The following PRSS38 variants were observed in gnomAD, a reference collection of about 807,000 sequenced individuals.
The protein encoded by PRSS38 is marapsin 2.
In PRSS38, 22 loss-of-function variants were observed where a neutral mutation model predicts 26.8. The observed-to-expected ratio is 0.82, with a 90% CI of 0.59 to 1.17. The LOEUF (loss-of-function observed/expected upper bound fraction) is 1.17, where lower values mean the gene tolerates loss of function less well. PRSS38 is among the 50% of genes most tolerant of loss of function. The pLI, the probability that PRSS38 is intolerant of heterozygous loss-of-function variation, is 0.00. For synonymous variants in PRSS38, 175 were observed against 172.1 expected (o/e 1.02, Z -0.13); for missense variants, 427 against 422.7 (o/e 1.01, Z -0.09).
chr1:227,845,668 C>G, intron 4 of PRSS38, 56 bp downstream of exon 4: 1 of 1,551,116 alleles, frequency 6.4e-7, no homozygotes, highest in East Asian at 2.3e-5. Flanking sequence ...GCCTGTGGAC[C>G]CCACAGGACC....
chr1:227,829,963 A>T (rs1665129420), intron 3 of PRSS38, among the ~76,000 whole-genome samples: 2 of 152,160 alleles, frequency 1.3e-5, no homozygotes, highest in Non-Finnish European at 2.9e-5. Flanking sequence ...CTTTTAACAG[A>T]TTGAGGAAGA....
intron 3 of PRSS38, among the ~76,000 whole-genome samples, chr1:227,827,919 T>C (rs1419032318): frequency 6.6e-6 from 1 of 152,232 alleles, no homozygotes; most frequent in Admixed American, 6.5e-5. Flanking sequence ...TGAAAGAACT[T>C]CTTGATTTCT....
In PRSS38 at chr1:227,846,394, G is replaced by A. The variant is rs185496995; in HGVS notation, c.*186G>A. 6.1e-4 allele frequency: 447 copies of A among 734,930 alleles called. No individual in the cohort carries two copies. In the African/African-American group the frequency reaches 7.1e-3, roughly 12 times the overall value. 45.5% of individuals were successfully genotyped at this position (734,930 alleles called of 1,614,324 possible). A position where few individuals can be genotyped will look rare whatever the true frequency, so the allele number is the denominator to read the frequency against. On this transcript the variant is annotated 3_prime_UTR_variant, in exon 5 of 5. Coordinates refer to ENST00000366757, the Ensembl canonical transcript of PRSS38. ...CAAAAGAAAAAAGGGAAGGGGGAGA[G>A]GGGCTGGTCAGGGAGAACCCAGCTT...
chr1:227,837,657 T>A (rs1319767472), intron 3 of PRSS38, among the ~76,000 whole-genome samples: 1 of 152,190 alleles, frequency 6.6e-6, no homozygotes, highest in Non-Finnish European at 1.5e-5. Flanking sequence ...TTCAACTTTA[T>A]TGGAAACTGC....
At chr1:227,817,315 A>T (rs755366204) in exon 3 of PRSS38, 14 of 1,614,050 alleles carry the variant, frequency 8.7e-6, no homozygotes, top group Non-Finnish European at 9.3e-6. Flanking sequence ...CCTGCACCCC[A>T]CATATGAGAT....
chr1:227,828,065 T>G (rs919507473), intron 3 of PRSS38, among the ~76,000 whole-genome samples: 3 of 152,236 alleles, frequency 2.0e-5, no homozygotes, highest in Non-Finnish European at 4.4e-5. Flanking sequence ...CTGTTTATTA[T>G]GTTTTCAGTT....
intron 3 of PRSS38, among the ~76,000 whole-genome samples, chr1:227,836,744 C>A (rs1382787277): frequency 6.6e-6 from 1 of 152,120 alleles, no homozygotes; most frequent in African/African-American, 2.4e-5. Context: ...TGGAAACTCT[C>A]ATCTTTCATG....
At position 227,817,277 on chromosome 1, in the gene PRSS38, C is replaced by G. The variant is rs763684369; in HGVS notation, c.380C>G (p.Thr127Ser). 1.1e-5 allele frequency: 18 copies of G among 1,613,992 alleles called. No homozygotes were observed. The South Asian group carries it at 2.0e-4, about 18-fold the overall frequency. ...AACCTCAGGGTGGCCGGCAACCACACCCAGTGGTATGAGGTGAACAGGGTG... is the reference window on the plus strand; with the variant it reads ...AACCTCAGGGTGGCCGGCAACCACAGCCAGTGGTATGAGGTGAACAGGGTG... Residue 127 changes from threonine (T) to serine (S), a missense_variant, in exon 3 of 5, where the codon ACC becomes AGC. By Grantham distance (58) the Thr-to-Ser change is moderately conservative. Transcript: ENST00000366757.
rs1035237286 is a variant in PRSS38 at position 227,845,753 on chromosome 1, G to A, written c.726+141G>A. ...GCTGAGCAGGGCGATGTATGACAATGTGTGAACGCCGCATGCCTGCAGCAG... is the reference window on the plus strand; with the variant it reads ...GCTGAGCAGGGCGATGTATGACAATATGTGAACGCCGCATGCCTGCAGCAG... On this transcript the variant is annotated intron_variant, in intron 4 of 4. Coordinates refer to ENST00000366757, the Ensembl canonical transcript of PRSS38. 2.5e-6 allele frequency: 3 copies of A among 1,211,282 alleles called. No individual in the cohort carries two copies. The African/African-American group carries it at 4.5e-5, about 18-fold the overall frequency. The allele number at this position is 1,211,282 out of a possible 1,614,324, so 75.0% of individuals were successfully genotyped here. A position where few individuals can be genotyped will look rare whatever the true frequency, so the allele number is the denominator to read the frequency against.
chr1:227,821,776 T>C (rs890948666), intron 3 of PRSS38, among the ~76,000 whole-genome samples: 1 of 152,180 alleles, frequency 6.6e-6, no homozygotes, highest in Non-Finnish European at 1.5e-5. Flanking sequence ...TTGCCTTTAG[T>C]TTTTGACAGT....
chr1:227,830,852 C>A (rs2102679612), intron 3 of PRSS38, among the ~76,000 whole-genome samples: 1 of 152,082 alleles, frequency 6.6e-6, no homozygotes, highest in Admixed American at 6.6e-5. Flanking sequence ...ATAGTCTCAT[C>A]ATTTATTTTA....
chr1:227,818,435 T>C (rs1401945520), intron 3 of PRSS38, among the ~76,000 whole-genome samples: 1 of 152,054 alleles, frequency 6.6e-6, no homozygotes, highest in Non-Finnish European at 1.5e-5. Flanking sequence ...TCCCAGCACT[T>C]TGGGAGGCTG....
chr1:227,835,624 G>T (rs937514873), intron 3 of PRSS38, among the ~76,000 whole-genome samples: 1 of 152,156 alleles, frequency 6.6e-6, no homozygotes, highest in South Asian at 2.1e-4. Context: ...GGATGGAAAA[G>T]TATTTCAACC....
chr1:227,818,710 G>A (rs1162742169), intron 3 of PRSS38, among the ~76,000 whole-genome samples: 1 of 139,696 alleles, frequency 7.2e-6, no homozygotes, highest in Non-Finnish European at 1.5e-5. Flanking sequence ...CGTATTTAAT[G>A]TGAGATGGGT....
Position 227,846,026 on chromosome 1 carries a change from C to T in PRSS38, c.799C>T (p.Arg267Ter), listed in dbSNP as rs1412340269. ...GCAGATTGGAATTGTGAGCTGGGGC[C>T]GAGGCTGCTCCAACCCTCTGTACCC... The change falls in exon 5 of 5, where the codon CGA (arginine) becomes TGA (stop). Residue 267 changes from arginine (R) to a stop codon, truncating the protein, a stop_gained. Transcript: ENST00000366757. LOFTEE classifies it low-confidence loss of function (END_TRUNC). The T allele has an allele frequency of 1.3e-5, 21 of 1,614,050 alleles. No individual in the cohort carries two copies. Among genetic ancestry groups the T allele is most frequent in the African/African-American group, 2.7e-5 (2 of 74,926 alleles).
At chr1:227,818,698 AAC>A (rs1020791641) in intron 3 of PRSS38, among the ~76,000 whole-genome samples, 2 of 151,616 alleles carry the variant, frequency 1.3e-5, no homozygotes, top group Non-Finnish European at 2.9e-5. Flanking sequence ...AAAAAAAAAA[AAC>A]GTATTTAATG....
chr1:227,841,753 C>T (rs1483930739), intron 3 of PRSS38, among the ~76,000 whole-genome samples: 1 of 152,218 alleles, frequency 6.6e-6, no homozygotes, highest in Non-Finnish European at 1.5e-5. Flanking sequence ...AGCCCTCAAT[C>T]TCCAGCTCCA....
chr1:227,817,769 G>A (rs1664945164), intron 3 of PRSS38, among the ~76,000 whole-genome samples: 1 of 152,210 alleles, frequency 6.6e-6, no homozygotes, highest in African/African-American at 2.4e-5. Flanking sequence ...ACGGAATTTA[G>A]AAATCTCTTT....
intron 3 of PRSS38, among the ~76,000 whole-genome samples, chr1:227,831,007 A>T (rs1428426407): frequency 6.6e-6 from 1 of 151,888 alleles, no homozygotes; most frequent in African/African-American, 2.4e-5. Context: ...GATTTTCCAT[A>T]TTACTTTTCT....
Sources: allele counts gnomAD v4.1 joint callset (sites outside exome capture counted in the v4.1 genomes callset), GRCh38; gene constraint gnomAD v4.1.1; transcripts MANE v1.5; gene names NCBI Gene and HGNC (gene_info 2026-07-23, HGNC 2026-07-21).